The following PRKAR2A variants were observed in gnomAD, a reference collection of about 807,000 sequenced individuals.
PRKAR2A encodes the protein protein kinase cAMP-dependent type II regulatory subunit alpha.
PRKAR2A carries 29 observed loss-of-function variants against 51.9 expected under a neutral mutation model. The observed-to-expected ratio is 0.56, with a 90% CI of 0.42 to 0.76. PRKAR2A has a LOEUF of 0.76. PRKAR2A is among the 30% of genes least tolerant of loss of function. The pLI is 0.00. For synonymous variants in PRKAR2A, 178 were observed against 186.2 expected (o/e 0.96, Z 0.36); for missense variants, 445 against 512.1 (o/e 0.87, Z 1.26).
intron 10 of PRKAR2A, 61 bp downstream of exon 10, chr3:48,752,115 G>A (rs971932587): frequency 1.3e-6 from 2 of 1,563,686 alleles, no homozygotes; most frequent in South Asian, 1.2e-5. Flanking sequence ...AAGGCTTGCT[G>A]ATGGGAAAAA....
At chr3:48,807,483 A>AC (rs1308735696) in intron 2 of PRKAR2A, among the ~76,000 whole-genome samples, 166 bp downstream of exon 2, 2 of 152,210 alleles carry the variant, frequency 1.3e-5, no homozygotes, top group Non-Finnish European at 2.9e-5. Context: ...GTACATACAT[A>AC]CTCAGAACTT....
chr3:48,784,003 ATAT>A (rs1469821780), intron 4 of PRKAR2A, among the ~76,000 whole-genome samples: 2 of 151,884 alleles, frequency 1.3e-5, no homozygotes. Flanking sequence ...TAAATGAGAT[ATAT>A]TATAAGACAG....
chr3:48,787,269 T>C (rs2082309842), intron 4 of PRKAR2A, among the ~76,000 whole-genome samples: 1 of 152,124 alleles, frequency 6.6e-6, no homozygotes, highest in African/African-American at 2.4e-5. Context: ...CACTGCAAAC[T>C]CTGCCTCCTG....
intron 5 of PRKAR2A, among the ~76,000 whole-genome samples, chr3:48,773,444 C>T (rs958183120): frequency 1.1e-4 from 16 of 149,972 alleles, no homozygotes; most frequent in African/African-American, 3.2e-4. Context: ...CCTGGGCTCA[C>T]GCCATTCTCC....
chr3:48,756,748 G>A (rs749773529), intron 8 of PRKAR2A, among the ~76,000 whole-genome samples: 17 of 152,156 alleles, frequency 1.1e-4, no homozygotes, highest in Non-Finnish European at 2.2e-4. Flanking sequence ...TTAACTTGTG[G>A]AACAAACACC....
chr3:48,756,188 A>G (rs989611107), intron 9 of PRKAR2A, among the ~76,000 whole-genome samples, 191 bp downstream of exon 9: 3 of 152,250 alleles, frequency 2.0e-5, no homozygotes, highest in Non-Finnish European at 4.4e-5. Flanking sequence ...AAGAATAAGA[A>G]TATGCTAAAT....
chr3:48,764,126 G>GT (rs2081903378), intron 8 of PRKAR2A, among the ~76,000 whole-genome samples: 1 of 152,154 alleles, frequency 6.6e-6, no homozygotes, highest in Non-Finnish European at 1.5e-5. Flanking sequence ...GACCAACCAT[G>GT]TATCTTCTCC....
chr3:48,765,534 C>A (rs1367263704), intron 6 of PRKAR2A, among the ~76,000 whole-genome samples, 185 bp from the exon 7 acceptor site: 3 of 151,996 alleles, frequency 2.0e-5, no homozygotes, highest in African/African-American at 7.3e-5. Flanking sequence ...CAGCCAGATG[C>A]CCACATGCTG....
At chr3:48,756,774 C>T (rs1056611586) in intron 8 of PRKAR2A, among the ~76,000 whole-genome samples, 8 of 152,220 alleles carry the variant, frequency 5.3e-5, no homozygotes, top group African/African-American at 1.9e-4. Flanking sequence ...CATCAGATAA[C>T]GCATTATTAC....
chr3:48,783,020 C>T lies in PRKAR2A; in HGVS notation c.508G>A (p.Gly170Arg), dbSNP rs762639940. ...ACATAAAAGTTGTCTCCATCATCTC[C>T]TTGGTCAATGACATGCTCATCAGCT... The part of the protein sequence containing the change: ...VKADEHVIDQ[G>R]DDGDNFYVIE... Residue 170 changes from glycine (G) to arginine (R), a missense_variant, in exon 5 of 11, where the codon GGA becomes AGA. Physicochemically the swap from Gly to Arg is moderately radical, Grantham distance 125 (BLOSUM62 -2). Transcript: ENST00000265563. 2 of 1,613,732 alleles carry T rather than the reference C, an allele frequency of 1.2e-6. No individual in the cohort carries two copies. The highest frequency in any genetic ancestry group is 3.3e-5 in the Admixed American group (2 of 59,992).
intron 1 of PRKAR2A, among the ~76,000 whole-genome samples, chr3:48,846,238 A>C (rs1209137768): frequency 7.0e-6 from 1 of 143,864 alleles, no homozygotes; most frequent in African/African-American, 2.6e-5. Flanking sequence ...TTTTTTTGAG[A>C]CGGAGTTCGC....
At position 48,778,462 on chromosome 3, in the gene PRKAR2A, T is replaced by C. The variant is rs576045282; in HGVS notation, c.542+4524A>G. Among the ~76,000 whole-genome samples, 125 of 152,128 alleles carry C rather than the reference T, an allele frequency of 8.2e-4. 1 individual carries two copies. The highest frequency in any genetic ancestry group is 2.5e-3 in the African/African-American group (105 of 41,506). On this transcript the variant is annotated intron_variant, in intron 5 of 10. Coordinates refer to ENST00000265563, the MANE Select transcript of PRKAR2A (RefSeq NM_004157.4). ...CCAGCCTTCCAATTAGCTGGGACTA[T>C]AGGCATGCGCCACCATGCCTGGCAA...
chr3:48,796,635 C>T (rs1286134554), intron 2 of PRKAR2A, among the ~76,000 whole-genome samples: 1 of 150,172 alleles, frequency 6.7e-6, no homozygotes, highest in Non-Finnish European at 1.5e-5. Flanking sequence ...GCTGGGATTA[C>T]AAGTGCTAAT....
At chr3:48,826,966 T>A (rs1298866668) in intron 1 of PRKAR2A, among the ~76,000 whole-genome samples, 1 of 152,042 alleles carries the variant, frequency 6.6e-6, no homozygotes, top group African/African-American at 2.4e-5. Context: ...CCAAGGCCAC[T>A]GATGCCCACT....
At chr3:48,790,518 A>T in intron 4 of PRKAR2A, 26 bp downstream of exon 4, 1 of 1,479,020 alleles carries the variant, frequency 6.8e-7, no homozygotes. Context: ...TCATTATAAT[A>T]AAAATACTTT....
intron 9 of PRKAR2A, among the ~76,000 whole-genome samples, chr3:48,756,024 C>T (rs1241312123): frequency 1.3e-5 from 2 of 151,872 alleles, no homozygotes; most frequent in African/African-American, 4.8e-5. Flanking sequence ...TTGTGATCCG[C>T]CCGCCTTGCC....
chr3:48,820,086 A>G (rs2082938048), intron 1 of PRKAR2A, among the ~76,000 whole-genome samples: 1 of 152,218 alleles, frequency 6.6e-6, no homozygotes. Context: ...AACTTATTCC[A>G]AAAACGGAAT....
At chr3:48,787,879 G>A (rs961672309) in intron 4 of PRKAR2A, among the ~76,000 whole-genome samples, 4 of 152,196 alleles carry the variant, frequency 2.6e-5, no homozygotes, top group African/African-American at 7.2e-5. Context: ...AAGGAGGGCT[G>A]TGGAAATGTC....
intron 3 of PRKAR2A, among the ~76,000 whole-genome samples, chr3:48,793,355 C>T (rs1164877281): frequency 6.6e-6 from 1 of 152,080 alleles, no homozygotes; most frequent in Admixed American, 6.6e-5. Flanking sequence ...AGGAAGGATC[C>T]AACTTTCATT....
Sources: allele counts gnomAD v4.1 joint callset (sites outside exome capture counted in the v4.1 genomes callset), GRCh38; gene constraint gnomAD v4.1.1; transcripts MANE v1.5; gene names NCBI Gene and HGNC (gene_info 2026-07-23, HGNC 2026-07-21).